CSMD3: variants seen among roughly 807,000 people sequenced by gnomAD.
CSMD3 encodes CUB and sushi domain-containing protein 3.
A neutral mutation model predicts 435.2 loss-of-function variants in CSMD3; 177 were observed. That is an observed-to-expected ratio of 0.41 (90% CI 0.36 to 0.46). The LOEUF (loss-of-function observed/expected upper bound fraction) is 0.46, where lower values mean the gene tolerates loss of function less well. Ranked by LOEUF, CSMD3 falls within the 20% of genes least tolerant of loss-of-function variation. The pLI is 0.34. For missense variants in CSMD3, 4,265 were observed against 4,504.6 expected, an observed-to-expected ratio of 0.95 and a Z score of 1.52; for synonymous variants, 1,656 against 1,520.5, an observed-to-expected ratio of 1.09 and a Z score of -2.07.
chr8:113,270,234 GA>G (rs1361776946), intron 3 of CSMD3, among the ~76,000 whole-genome samples: 1 of 150,918 alleles, frequency 6.6e-6, no homozygotes, highest in African/African-American at 2.5e-5. Flanking sequence ...GGCCATCAGA[GA>G]AATGCAAATC....
intron 27 of CSMD3, among the ~76,000 whole-genome samples, chr8:112,548,003 A>G (rs1477897147): frequency 6.6e-6 from 1 of 152,178 alleles, no homozygotes; most frequent in Non-Finnish European, 1.5e-5. Flanking sequence ...CTGAAGTGGC[A>G]AACATGATCC....
At chr8:113,349,778 T>C (rs1399849457) in intron 1 of CSMD3, among the ~76,000 whole-genome samples, 1 of 152,126 alleles carries the variant, frequency 6.6e-6, no homozygotes, top group African/African-American at 2.4e-5. Flanking sequence ...GCAAAATCGG[T>C]AACTTCCAAC....
intron 30 of CSMD3, among the ~76,000 whole-genome samples, chr8:112,494,499 CTTTCTTT>C (rs1563615187): frequency 1.2e-4 from 2 of 17,110 alleles, no homozygotes; most frequent in Admixed American, 5.3e-4. Flanking sequence ...TCTCTCCTTT[CTTTCTTT>C]CTTTCTTTCT....
intron 13 of CSMD3, among the ~76,000 whole-genome samples, chr8:112,729,189 A>C (rs1355800683): frequency 6.6e-6 from 1 of 152,074 alleles, no homozygotes; most frequent in Non-Finnish European, 1.5e-5. Context: ...ATGAGAGTGC[A>C]GGAATGAGAA....
intron 13 of CSMD3, among the ~76,000 whole-genome samples, chr8:112,708,490 T>G (rs1257377219): frequency 1.3e-5 from 2 of 151,720 alleles, no homozygotes; most frequent in African/African-American, 4.8e-5. Context: ...GAGCACAAAA[T>G]AAAGGATATT....
intron 38 of CSMD3, among the ~76,000 whole-genome samples, chr8:112,371,660 C>A (rs189400365): frequency 2.6e-5 from 4 of 152,010 alleles, no homozygotes; most frequent in African/African-American, 7.2e-5. Context: ...GAGGCCGAGG[C>A]GGGCGTATTA....
chr8:112,888,469 T>G (rs1285617931), intron 10 of CSMD3, among the ~76,000 whole-genome samples: 2 of 151,590 alleles, frequency 1.3e-5, no homozygotes, highest in Non-Finnish European at 3.0e-5. Flanking sequence ...GCTGGTAATA[T>G]GATCTCAAGG....
At chr8:113,082,054 C>G (rs2089587301) in intron 5 of CSMD3, among the ~76,000 whole-genome samples, 2 of 152,154 alleles carry the variant, frequency 1.3e-5, no homozygotes, top group Non-Finnish European at 2.9e-5. Context: ...CTATGTGCCA[C>G]TCACCATCCC....
At chr8:113,320,356 TTTGA>T (rs1156657246) in intron 1 of CSMD3, among the ~76,000 whole-genome samples, 16 of 152,066 alleles carry the variant, frequency 1.1e-4, no homozygotes, top group African/African-American at 3.1e-4. Flanking sequence ...TCATCAAGAG[TTTGA>T]TTAACAATAT....
In CSMD3 at chr8:112,658,828, G is replaced by A. The variant is rs530438401; in HGVS notation, c.2817-2487C>T. On this transcript the variant is annotated intron_variant, in intron 17 of 70. Coordinates refer to ENST00000297405, the MANE Select transcript of CSMD3 (RefSeq NM_198123.2). Reference sequence around the variant, plus strand: ...CCAAAATTAGCAAGGCGTGGTTGGCGTCTGTAATCCTAGCTACTCGGGAGG... The same window carrying A: ...CCAAAATTAGCAAGGCGTGGTTGGCATCTGTAATCCTAGCTACTCGGGAGG... Among the ~76,000 whole-genome samples, 6 of 152,144 alleles carry A rather than the reference G, an allele frequency of 3.9e-5. No homozygotes were observed. The South Asian group carries it at 6.2e-4, about 16-fold the overall frequency.
intron 13 of CSMD3, among the ~76,000 whole-genome samples, chr8:112,735,770 T>A (rs1320627619): frequency 1.3e-5 from 2 of 152,002 alleles, no homozygotes; most frequent in Admixed American, 6.6e-5. Flanking sequence ...ACTGTGAGAA[T>A]CTCACTTTAT....
At chr8:112,591,602 A>T (rs1340843842) in intron 22 of CSMD3, among the ~76,000 whole-genome samples, 2 of 152,144 alleles carry the variant, frequency 1.3e-5, no homozygotes, top group African/African-American at 4.8e-5. Context: ...GTTTTGTGAA[A>T]GCAGGCAAAA....
In CSMD3 at chr8:113,185,842, C is replaced by A. The variant is rs1203643714; in HGVS notation, c.515-11926G>T. 4.6e-5 allele frequency among the ~76,000 whole-genome samples: 7 copies of A among 151,928 alleles called. No homozygotes were observed. The East Asian group carries it at 1.4e-3, about 30-fold the overall frequency. On this transcript the variant is annotated intron_variant, in intron 3 of 70. Coordinates refer to ENST00000297405, the MANE Select transcript of CSMD3 (RefSeq NM_198123.2). ...TTCACAGGACAAGCAAAACCCAGTC[C>A]ATAATCAGTGTCTATTCCTACAAAG...
chr8:112,641,135 T>C (rs1275334377), intron 20 of CSMD3, among the ~76,000 whole-genome samples: 1 of 152,126 alleles, frequency 6.6e-6, no homozygotes, highest in Non-Finnish European at 1.5e-5. Flanking sequence ...CAGAAAGCGT[T>C]ATTGCTATTG....
At chr8:112,545,011 G>A (rs2131157750) in intron 27 of CSMD3, among the ~76,000 whole-genome samples, 1 of 152,224 alleles carries the variant, frequency 6.6e-6, no homozygotes, top group South Asian at 2.1e-4. Flanking sequence ...TATTTTGTAG[G>A]TCTGTAAATC....
chr8:112,334,509 A>G lies in CSMD3; in HGVS notation c.7165+820T>C, dbSNP rs188797458. Among the ~76,000 whole-genome samples, 59 of 152,320 alleles carry G rather than the reference A, an allele frequency of 3.9e-4. No individual in the cohort carries two copies. The East Asian group carries it at 0.011, about 29-fold the overall frequency. ...AATTTTTGCAAACTTAATTTAGTAG[A>G]TTATTGGTCTTGTGAAATACTCATG... On this transcript the variant is annotated intron_variant, in intron 45 of 70. Coordinates refer to ENST00000297405, the MANE Select transcript of CSMD3 (RefSeq NM_198123.2).
intron 1 of CSMD3, among the ~76,000 whole-genome samples, chr8:113,324,327 A>G (rs1253915995): frequency 6.6e-6 from 1 of 152,140 alleles, no homozygotes; most frequent in African/African-American, 2.4e-5. Context: ...ACCTAGGAGA[A>G]AATGGTTTCA....
intron 24 of CSMD3, among the ~76,000 whole-genome samples, chr8:112,566,149 C>T (rs1829048327): frequency 6.6e-6 from 1 of 150,638 alleles, no homozygotes; most frequent in Non-Finnish European, 1.5e-5. Flanking sequence ...ACTTGAAAAA[C>T]TCAAATCTTG....
At chr8:112,938,452 A>C (rs933784190) in intron 9 of CSMD3, among the ~76,000 whole-genome samples, 1 of 152,190 alleles carries the variant, frequency 6.6e-6, no homozygotes, top group Non-Finnish European at 1.5e-5. Context: ...GCATTGATAA[A>C]AGTTATAAGA....
Sources: gnomAD v4.1 joint callset for allele counts (sites outside exome capture counted in the v4.1 genomes callset) on GRCh38, gnomAD v4.1.1 for gene constraint, MANE v1.5 for transcripts, NCBI Gene and HGNC (gene_info 2026-07-23, HGNC 2026-07-21) for gene names.